The following PCCA variants were observed in gnomAD, a reference collection of about 807,000 sequenced individuals.
PCCA encodes the protein propionyl-CoA carboxylase alpha chain, mitochondrial.
In PCCA, 74 loss-of-function variants were observed where a neutral mutation model predicts 101.3. The observed-to-expected ratio is 0.73, with a 90% CI of 0.61 to 0.89. The LOEUF is 0.89. Ranked by LOEUF, PCCA falls within the 40% of genes least tolerant of loss-of-function variation. The pLI is 0.00. For missense variants in PCCA, 891 were observed against 907.0 expected (o/e 0.98, Z 0.23); for synonymous variants, 294 against 313.6 (o/e 0.94, Z 0.66).
intron 19 of PCCA, among the ~76,000 whole-genome samples, chr13:100,401,566 T>A (rs1311729095): frequency 1.3e-5 from 2 of 151,396 alleles, no homozygotes; most frequent in African/African-American, 4.8e-5. Flanking sequence ...GTTTTTTTTA[T>A]TTTTTTTTAA....
intron 21 of PCCA, among the ~76,000 whole-genome samples, chr13:100,506,887 T>C (rs1291089049): frequency 6.6e-6 from 1 of 152,252 alleles, no homozygotes; most frequent in Non-Finnish European, 1.5e-5. Context: ...TTCTGTAAGC[T>C]GATGCTGCCC....
rs116947679 is a variant in PCCA at position 100,131,895 on chromosome 13, A to G, written c.300+19834A>G. Among the ~76,000 whole-genome samples, 339 of 152,276 alleles carry G rather than the reference A, an allele frequency of 2.2e-3. 10 individuals carry two copies. In the East Asian group the frequency reaches 0.053, roughly 24 times the overall value. ...ATTTATGACATTAGTGTAATGAAAAATTATAGGGTGTTTTGTAAGTGTGGA... is the reference window on the plus strand; with the variant it reads ...ATTTATGACATTAGTGTAATGAAAAGTTATAGGGTGTTTTGTAAGTGTGGA... On this transcript the variant is annotated intron_variant, in intron 4 of 23. Coordinates refer to ENST00000376285, the MANE Select transcript of PCCA (RefSeq NM_000282.4).
intron 7 of PCCA, among the ~76,000 whole-genome samples, chr13:100,230,534 C>T (rs2060405750): frequency 7.2e-6 from 1 of 138,432 alleles, no homozygotes; most frequent in African/African-American, 2.8e-5. Flanking sequence ...GACAGACTCC[C>T]ATCTCAAAAA....
chr13:100,454,749 G>A (rs1269162207), intron 21 of PCCA, among the ~76,000 whole-genome samples: 1 of 151,964 alleles, frequency 6.6e-6, no homozygotes, highest in African/African-American at 2.4e-5. Context: ...TGTAAATAAG[G>A]TTCAAAAATA....
chr13:100,361,642 G>A (rs894445082), intron 18 of PCCA, among the ~76,000 whole-genome samples: 1 of 152,008 alleles, frequency 6.6e-6, no homozygotes, highest in African/African-American at 2.4e-5. Context: ...TGGCCACTGA[G>A]CACCATAAGG....
At chr13:100,247,535 A>G (rs1482250035) in intron 8 of PCCA, among the ~76,000 whole-genome samples, 2 of 121,348 alleles carry the variant, frequency 1.6e-5, no homozygotes, top group Admixed American at 9.2e-5. Context: ...TTTTTTTGAG[A>G]CAAAGTCTCG....
chr13:100,121,485 T>C (rs988039345), intron 4 of PCCA, among the ~76,000 whole-genome samples: 19 of 120,462 alleles, frequency 1.6e-4, no homozygotes, highest in Non-Finnish European at 2.8e-4. Flanking sequence ...TTTTTTTTTT[T>C]CTCTCTTGAG....
intron 8 of PCCA, chr13:100,236,756 C>G (rs1314106144): frequency 1.3e-5 from 2 of 152,224 alleles, no homozygotes; most frequent in South Asian, 4.1e-4. Context: ...GCCACCGCCC[C>G]TGGCTCGCAA....
intron 12 of PCCA, among the ~76,000 whole-genome samples, chr13:100,296,242 T>A (rs1414433525): frequency 2.0e-5 from 3 of 151,858 alleles, no homozygotes; most frequent in East Asian, 3.9e-4. Flanking sequence ...TTAACTTTTT[T>A]ATTTTTTATT....
intron 19 of PCCA, among the ~76,000 whole-genome samples, chr13:100,391,439 G>A (rs1026638915): frequency 1.3e-5 from 2 of 152,130 alleles, no homozygotes; most frequent in South Asian, 4.2e-4. Context: ...TTGAGGCTGG[G>A]AGCAAGAATT....
chr13:100,387,903 TA>T (rs1428549672), intron 19 of PCCA, among the ~76,000 whole-genome samples: 5 of 152,236 alleles, frequency 3.3e-5, no homozygotes, highest in Non-Finnish European at 5.9e-5. Context: ...AGAACAAAAA[TA>T]TATAAAATTC....
At chr13:100,399,804 G>GT (rs1253556315) in intron 19 of PCCA, among the ~76,000 whole-genome samples, 2 of 152,178 alleles carry the variant, frequency 1.3e-5, no homozygotes, top group African/African-American at 4.8e-5. Flanking sequence ...AATATGCAGT[G>GT]TATGTGATGA....
chr13:100,438,234 A>G (rs1286808724), intron 20 of PCCA, among the ~76,000 whole-genome samples: 2 of 151,740 alleles, frequency 1.3e-5, no homozygotes, highest in Admixed American at 6.6e-5. Flanking sequence ...GGCTCACTGC[A>G]GCCTCAACCT....
chr13:100,152,508 G>A (rs929406696), intron 4 of PCCA, among the ~76,000 whole-genome samples: 16 of 151,994 alleles, frequency 1.1e-4, no homozygotes, highest in African/African-American at 2.9e-4. Flanking sequence ...GTGCAGTGGC[G>A]CAATCTCGGC....
At chr13:100,290,639 T>C (rs952799544) in intron 12 of PCCA, among the ~76,000 whole-genome samples, 3 of 152,232 alleles carry the variant, frequency 2.0e-5, no homozygotes, top group Non-Finnish European at 4.4e-5. Flanking sequence ...GGTTTAAGTA[T>C]TGCTTCATTT....
chr13:100,261,657 C>G (rs1305176878), intron 9 of PCCA, among the ~76,000 whole-genome samples: 3 of 151,766 alleles, frequency 2.0e-5, no homozygotes, highest in African/African-American at 7.3e-5. Context: ...CAAATGAGCC[C>G]TAAATATTTG....
chr13:100,431,103 C>G (rs1025321675), intron 20 of PCCA, among the ~76,000 whole-genome samples: 5 of 152,128 alleles, frequency 3.3e-5, no homozygotes, highest in South Asian at 2.1e-4. Context: ...CCTGGTGAAC[C>G]CTTGGCCTTC....
intron 21 of PCCA, among the ~76,000 whole-genome samples, chr13:100,485,939 C>A (rs966275314): frequency 1.3e-5 from 2 of 152,236 alleles, no homozygotes; most frequent in East Asian, 1.9e-4. Flanking sequence ...TTGACAGCAG[C>A]TCCCAGGTCT....
At chr13:100,267,780 A>G (rs2063042058) in intron 10 of PCCA, among the ~76,000 whole-genome samples, 1 of 152,224 alleles carries the variant, frequency 6.6e-6, no homozygotes, top group Non-Finnish European at 1.5e-5. Context: ...TTAAATTTGA[A>G]TTTCAGATTA....
Sources: gnomAD v4.1 joint callset for allele counts (sites outside exome capture counted in the v4.1 genomes callset) on GRCh38, gnomAD v4.1.1 for gene constraint, MANE v1.5 for transcripts, NCBI Gene and HGNC (gene_info 2026-07-23, HGNC 2026-07-21) for gene names.